STIMATE: variants seen among roughly 807,000 people sequenced by gnomAD.
The protein encoded by STIMATE is STIM activating enhancer.
In STIMATE, 15 loss-of-function variants were observed where a neutral mutation model predicts 36.7. The ratio of observed to expected loss-of-function variants is 0.41; its 90% CI spans 0.27 to 0.63. The LOEUF is 0.63. Among genes scored for constraint, STIMATE ranks in the 20% least tolerant of loss-of-function variants. The pLI, the probability that STIMATE is intolerant of heterozygous loss-of-function variation, is 0.32. For synonymous variants in STIMATE, 163 were observed against 162.3 expected (o/e 1.00, Z -0.03); for missense variants, 305 against 397.3 (o/e 0.77, Z 1.98).
chr3:52,883,706 A>G (rs1701646598), intron 1 of STIMATE, among the ~76,000 whole-genome samples: 1 of 152,088 alleles, frequency 6.6e-6, no homozygotes, highest in African/African-American at 2.4e-5. Flanking sequence ...ATTCTTTCAT[A>G]GTTTAATTTT....
At position 52,897,507 on chromosome 3, in the gene STIMATE, C is replaced by A. The variant is rs2106745761; in HGVS notation, c.-57G>T. ...AGGGCCCGCCCGGCCTCGCTGCCTGCCGGCGCAGCGCCGCCAAACCCGCAG... is the reference window on the plus strand; with the variant it reads ...AGGGCCCGCCCGGCCTCGCTGCCTGACGGCGCAGCGCCGCCAAACCCGCAG... On this transcript the variant is annotated 5_prime_UTR_variant, in exon 1 of 8. Transcript: ENST00000355083. The A allele has an allele frequency of 1.7e-6, 2 of 1,194,066 alleles. No individual in the cohort carries two copies. The highest frequency in any genetic ancestry group is 7.3e-5 in the East Asian group (2 of 27,574). 74.0% of individuals were successfully genotyped at this position (1,194,066 alleles called of 1,614,324 possible).
intron 1 of STIMATE, among the ~76,000 whole-genome samples, chr3:52,883,520 C>T (rs534127558): frequency 6.6e-6 from 1 of 152,234 alleles, no homozygotes; most frequent in South Asian, 2.1e-4. Flanking sequence ...GTCATTATTT[C>T]TTCTAACATT....
At chr3:52,896,485 C>T (rs1256309095) in intron 1 of STIMATE, among the ~76,000 whole-genome samples, 4 of 152,230 alleles carry the variant, frequency 2.6e-5, no homozygotes, top group Non-Finnish European at 4.4e-5. Context: ...CCCATCAGCA[C>T]ACATGAGAAC....
chr3:52,884,492 C>T (rs996804610), intron 1 of STIMATE, among the ~76,000 whole-genome samples: 5 of 152,074 alleles, frequency 3.3e-5, no homozygotes, highest in East Asian at 3.9e-4. Context: ...GTGATCCACC[C>T]GCCACGGCCT....
At chr3:52,860,499 A>C (rs991200714) in intron 1 of STIMATE, among the ~76,000 whole-genome samples, 4 of 152,120 alleles carry the variant, frequency 2.6e-5, no homozygotes, top group Non-Finnish European at 5.9e-5. Flanking sequence ...CTGGACCTCC[A>C]CCGAGAACCC....
intron 1 of STIMATE, among the ~76,000 whole-genome samples, chr3:52,863,679 C>T (rs937522902): frequency 1.6e-4 from 25 of 152,204 alleles, no homozygotes; most frequent in Non-Finnish European, 3.1e-4. Context: ...AGGCAAGTTG[C>T]TTCCACCTAT....
intron 4 of STIMATE, chr3:52,846,694 G>C (rs4687673): frequency 1.3e-5 from 2 of 152,192 alleles, no homozygotes; most frequent in African/African-American, 4.8e-5. Flanking sequence ...GTTCAGAAAC[G>C]TGAGAAAAGA....
intron 1 of STIMATE, among the ~76,000 whole-genome samples, chr3:52,890,068 T>C (rs561766422): frequency 6.6e-6 from 1 of 152,314 alleles, no homozygotes; most frequent in Admixed American, 6.5e-5. Flanking sequence ...GGTGCTCAGG[T>C]GGAGCTTCCT....
chr3:52,882,362 A>C (rs1701620046), intron 1 of STIMATE, among the ~76,000 whole-genome samples: 1 of 152,202 alleles, frequency 6.6e-6, no homozygotes, highest in South Asian at 2.1e-4. Context: ...CTCGTAAACT[A>C]ACCTTGAGGA....
intron 1 of STIMATE, among the ~76,000 whole-genome samples, chr3:52,894,920 T>C (rs1327066277): frequency 6.6e-6 from 1 of 152,190 alleles, no homozygotes; most frequent in Non-Finnish European, 1.5e-5. Context: ...ATTTAAAATG[T>C]TTGAAGATAA....
chr3:52,862,487 AC>A (rs773341225), intron 1 of STIMATE, among the ~76,000 whole-genome samples: 1 of 152,246 alleles, frequency 6.6e-6, no homozygotes, highest in Non-Finnish European at 1.5e-5. Context: ...GTACCATCTA[AC>A]TTGCCTAAAA....
chr3:52,840,349 G>C lies in STIMATE; in HGVS notation c.*145C>G. 1 of 942,762 alleles carries C rather than the reference G, an allele frequency of 1.1e-6. No individual in the cohort carries two copies. The allele number at this position is 942,762 out of a possible 1,614,324, so 58.4% of individuals were successfully genotyped here. A position where few individuals can be genotyped will look rare whatever the true frequency, so the allele number is the denominator to read the frequency against. ...CCTCTTTTTAAGTCACAGTAGTCTGGGGGCAGGCGAGAGCGGGCAGAGACA... is the reference window on the plus strand; with the variant it reads ...CCTCTTTTTAAGTCACAGTAGTCTGCGGGCAGGCGAGAGCGGGCAGAGACA... On this transcript the variant is annotated 3_prime_UTR_variant, in exon 8 of 8. Coordinates refer to ENST00000355083, the MANE Select transcript of STIMATE (RefSeq NM_198563.5).
intron 1 of STIMATE, among the ~76,000 whole-genome samples, chr3:52,887,795 T>A (rs537447528): frequency 1.3e-5 from 2 of 152,222 alleles, no homozygotes; most frequent in South Asian, 4.2e-4. Flanking sequence ...GTCCTGTCCA[T>A]AGCAGCAACA....
At chr3:52,842,363 G>A (rs1221371058) in intron 7 of STIMATE, among the ~76,000 whole-genome samples, 1 of 152,236 alleles carries the variant, frequency 6.6e-6, no homozygotes, top group Non-Finnish European at 1.5e-5. Flanking sequence ...GTTTCCTCCT[G>A]CAAGGTCTGG....
At chr3:52,892,306 C>T (rs767518026) in intron 1 of STIMATE, among the ~76,000 whole-genome samples, 9 of 152,086 alleles carry the variant, frequency 5.9e-5, no homozygotes, top group Non-Finnish European at 1.0e-4. Flanking sequence ...TGATTTTATT[C>T]GAAATTAATG....
intron 1 of STIMATE, among the ~76,000 whole-genome samples, chr3:52,894,997 C>T (rs1252575678): frequency 2.0e-5 from 3 of 152,222 alleles, no homozygotes; most frequent in Non-Finnish European, 4.4e-5. Flanking sequence ...CTCAGGGCTG[C>T]GAGGGGGACC....
At chr3:52,867,814 G>C (rs1327213849) in intron 1 of STIMATE, among the ~76,000 whole-genome samples, 1 of 152,250 alleles carries the variant, frequency 6.6e-6, no homozygotes, top group African/African-American at 2.4e-5. Context: ...GAAAATGGTA[G>C]GGGAATTGAC....
At chr3:52,854,571 C>T (rs569793312) in intron 2 of STIMATE, among the ~76,000 whole-genome samples, 2 of 152,328 alleles carry the variant, frequency 1.3e-5, no homozygotes, top group Admixed American at 1.3e-4. Flanking sequence ...CTTCATCTAG[C>T]GTTCATCTGT....
At chr3:52,892,816 T>G (rs1370292836) in intron 1 of STIMATE, among the ~76,000 whole-genome samples, 1 of 152,192 alleles carries the variant, frequency 6.6e-6, no homozygotes, top group African/African-American at 2.4e-5. Flanking sequence ...TGGGGCAGCG[T>G]GATGTCACAT....
Sources: allele counts gnomAD v4.1 joint callset (sites outside exome capture counted in the v4.1 genomes callset), GRCh38; gene constraint gnomAD v4.1.1; transcripts MANE v1.5; gene names NCBI Gene and HGNC (gene_info 2026-07-23, HGNC 2026-07-21).